KLF15: variants seen among roughly 807,000 people sequenced by gnomAD.
KLF15 encodes the protein Krueppel-like factor 15.
Under a neutral mutation model 24.6 loss-of-function variants are expected in KLF15, and 4 were observed. The ratio of observed to expected loss-of-function variants is 0.16; its 90% CI spans 0.08 to 0.37. The LOEUF (loss-of-function observed/expected upper bound fraction) is 0.37. KLF15 is among the 10% of genes least tolerant of loss of function. The pLI is 1.00. For synonymous variants in KLF15, 246 were observed against 236.3 expected (o/e 1.04, Z -0.37); for missense variants, 496 against 560.6 (o/e 0.88, Z 1.16).
the KLF15 span, among the ~76,000 whole-genome samples, chr3:126,290,211 T>C: frequency 2.0e-5 from 3 of 152,222 alleles, no homozygotes; most frequent in Non-Finnish European, 4.4e-5. Context: ...CTATTTTGCT[T>C]TTCTATGATC....
chr3:126,323,491 T>TATATGTTATATATATATATAAC, the KLF15 span, among the ~76,000 whole-genome samples: 2 of 23,238 alleles, frequency 8.6e-5, no homozygotes, highest in Admixed American at 4.8e-4. Flanking sequence ...ATATATAACA[T>TATATGTTATATATATATATAAC]ATATATATAT....
chr3:126,316,481 TCC>T, the KLF15 span, among the ~76,000 whole-genome samples: 2 of 139,246 alleles, frequency 1.4e-5, no homozygotes, highest in East Asian at 2.1e-4. Flanking sequence ...GGGAAGGGAG[TCC>T]ACAGGCCGGA....
At chr3:126,345,994 G>A (rs189612784) in intron 2 of KLF15, among the ~76,000 whole-genome samples, 1 of 152,332 alleles carries the variant, frequency 6.6e-6, no homozygotes, top group East Asian at 1.9e-4. Context: ...CCTGAGGCTG[G>A]AGCAGAGGTC....
At chr3:126,330,163 G>A in the KLF15 span, among the ~76,000 whole-genome samples, 1 of 152,180 alleles carries the variant, frequency 6.6e-6, no homozygotes, top group Non-Finnish European at 1.5e-5. Context: ...GAGCAACATG[G>A]AGCAGAGCCC....
At chr3:126,339,996 T>C (rs1478114858), downstream of KLF15, among the ~76,000 whole-genome samples, 1 of 152,168 alleles carries the variant, frequency 6.6e-6, no homozygotes, top group African/African-American at 2.4e-5. Context: ...TGGCTGCTGA[T>C]CCCACACTTA....
chr3:126,288,354 A>G, the KLF15 span: 1 of 152,238 alleles, frequency 6.6e-6, no homozygotes, highest in Admixed American at 6.5e-5. Context: ...GGCTCCGGCA[A>G]GCCGTGGGTT....
At chr3:126,330,276 A>T in the KLF15 span, among the ~76,000 whole-genome samples, 3 of 152,240 alleles carry the variant, frequency 2.0e-5, no homozygotes, top group Non-Finnish European at 4.4e-5. Context: ...ACAGGATCAT[A>T]GCTCTAGTAC....
At chr3:126,335,853 A>G in the KLF15 span, among the ~76,000 whole-genome samples, 2 of 104,226 alleles carry the variant, frequency 1.9e-5, no homozygotes, top group Admixed American at 2.1e-4. Context: ...AATACCTAGG[A>G]ATCCAACTTA....
chr3:126,343,436 C>T lies in KLF15; in HGVS notation c.*291G>A. ...CCAAAACTCTGCCTGCAACCAGCGGCTGCAGCAGAGGCCTGGCCACCGCGG... is the reference window on the plus strand; with the variant it reads ...CCAAAACTCTGCCTGCAACCAGCGGTTGCAGCAGAGGCCTGGCCACCGCGG... On this transcript the variant is annotated 3_prime_UTR_variant, in exon 3 of 3. Coordinates refer to ENST00000296233, the MANE Select transcript of KLF15 (RefSeq NM_014079.4). 1 of 373,494 alleles carries T rather than the reference C, an allele frequency of 2.7e-6. No individual in the cohort carries two copies. The highest frequency in any genetic ancestry group is 4.8e-6 in the Non-Finnish European group (1 of 208,854). 23.1% of individuals were successfully genotyped at this position (373,494 alleles called of 1,614,324 possible).
the KLF15 span, among the ~76,000 whole-genome samples, chr3:126,319,328 TATAAGA>T: frequency 6.6e-6 from 1 of 152,260 alleles, no homozygotes; most frequent in East Asian, 1.9e-4. Context: ...TGCTGGATCA[TATAAGA>T]ATATGTTTAG....
chr3:126,289,672 T>G, the KLF15 span, among the ~76,000 whole-genome samples: 4 of 152,252 alleles, frequency 2.6e-5, no homozygotes, highest in East Asian at 7.7e-4. Context: ...TAAGCATAGG[T>G]TAATAAATAC....
chr3:126,309,068 A>G, the KLF15 span, among the ~76,000 whole-genome samples: 1 of 152,368 alleles, frequency 6.6e-6, no homozygotes, highest in African/African-American at 2.4e-5. Flanking sequence ...AGGTGAGACA[A>G]CGCCAGTAAT....
intron 2 of KLF15, among the ~76,000 whole-genome samples, chr3:126,351,192 G>C (rs1050804081): frequency 2.0e-5 from 3 of 152,178 alleles, no homozygotes; most frequent in African/African-American, 2.4e-5. Context: ...AGCACCACCA[G>C]CTGGCCTAGC....
At chr3:126,331,897 C>G in the KLF15 span, among the ~76,000 whole-genome samples, 1 of 152,178 alleles carries the variant, frequency 6.6e-6, no homozygotes, top group Admixed American at 6.5e-5. Flanking sequence ...AGATTATATC[C>G]CACACCTGGC....
At chr3:126,290,478 C>CCCTT in the KLF15 span, among the ~76,000 whole-genome samples, 2 of 148,836 alleles carry the variant, frequency 1.3e-5, no homozygotes, top group Non-Finnish European at 3.0e-5. Context: ...ATTAGGGTGC[C>CCCTT]CCTTCCTTCC....
In KLF15 at chr3:126,352,604, G is replaced by C; in HGVS notation, c.319C>G (p.Pro107Ala). 1 of 1,610,106 alleles carries C rather than the reference G, an allele frequency of 6.2e-7. No individual in the cohort carries two copies. Among genetic ancestry groups the C allele is most frequent in the Admixed American group, 1.7e-5 (1 of 59,594 alleles). ...ACAGGGGCCGCTGCCCTTCGCCAGG[G>C]CCCCCAGGCCACGGGGCCACTGCTG... Reference protein sequence around the residue: ...GASSGPVAWGPWRRAAAPVKG... With the variant: ...GASSGPVAWGAWRRAAAPVKG... The change falls in exon 2 of 3, where the codon CCC becomes GCC. Residue 107 changes from proline to alanine, a missense_variant. Physicochemically the swap from Pro to Ala is conservative, Grantham distance 27. Around this residue, in one of 3 missense-constraint regions of KLF15, gnomAD observed 399 missense variants for 423.1 expected, o/e 0.94. Coordinates refer to ENST00000296233, the MANE Select transcript of KLF15 (RefSeq NM_014079.4).
At chr3:126,334,278 C>T in the KLF15 span, among the ~76,000 whole-genome samples, 1 of 150,586 alleles carries the variant, frequency 6.6e-6, no homozygotes, top group African/African-American at 2.5e-5. Flanking sequence ...TCACTCAAAG[C>T]CGCTCAACTA....
chr3:126,296,442 C>T, the KLF15 span, among the ~76,000 whole-genome samples: 3 of 152,212 alleles, frequency 2.0e-5, no homozygotes, highest in Admixed American at 6.5e-5. Context: ...CTCCTGACCT[C>T]GTGATCCACC....
At chr3:126,296,357 A>G in the KLF15 span, among the ~76,000 whole-genome samples, 20 of 152,210 alleles carry the variant, frequency 1.3e-4, no homozygotes, top group Admixed American at 6.5e-4. Flanking sequence ...ACAGGCGCCC[A>G]CCACCATGCC....
Sources: allele counts gnomAD v4.1 joint callset (sites outside exome capture counted in the v4.1 genomes callset), GRCh38; gene constraint gnomAD v4.1.1; regional missense constraint gnomAD v4.1.1; transcripts MANE v1.5; gene names NCBI Gene and HGNC (gene_info 2026-07-23, HGNC 2026-07-21).